Variants in KCNB2 observed in about 807,000 individuals in gnomAD.
The protein encoded by KCNB2 is delayed rectifier potassium channel protein.
KCNB2 carries 15 observed loss-of-function variants against 61.5 expected under a neutral mutation model. That is an observed-to-expected ratio of 0.24 (90% CI 0.16 to 0.38). The LOEUF (loss-of-function observed/expected upper bound fraction) is 0.38, where lower values mean the gene tolerates loss of function less well. KCNB2 is among the 10% of genes least tolerant of loss of function. KCNB2 has a pLI of 1.00. For missense variants in KCNB2, 828 were observed against 1,125.2 expected, an observed-to-expected ratio of 0.74 and a Z score of 3.78; for synonymous variants, 457 against 446.0, an observed-to-expected ratio of 1.02 and a Z score of -0.31.
At chr8:72,628,056 C>T (rs564450142) in intron 2 of KCNB2, among the ~76,000 whole-genome samples, 58 of 152,112 alleles carry the variant, frequency 3.8e-4, no homozygotes, top group Admixed American at 3.1e-3. Context: ...CAGGTTCAAA[C>T]GATTCTCCTG....
chr8:72,884,092 C>T (rs924144973), intron 2 of KCNB2, among the ~76,000 whole-genome samples: 6 of 152,144 alleles, frequency 3.9e-5, no homozygotes, highest in South Asian at 4.2e-4. Context: ...TTGGCATTGT[C>T]GAGGCTTCTA....
chr8:72,767,820 T>G (rs1024931092), intron 2 of KCNB2, among the ~76,000 whole-genome samples: 2 of 152,234 alleles, frequency 1.3e-5, no homozygotes, highest in Admixed American at 6.5e-5. Flanking sequence ...TGCATAATTT[T>G]GCATTCCCAC....
At chr8:72,812,225 A>C (rs1809319427) in intron 2 of KCNB2, among the ~76,000 whole-genome samples, 1 of 152,018 alleles carries the variant, frequency 6.6e-6, no homozygotes, top group African/African-American at 2.4e-5. Context: ...CAGAGATCGC[A>C]CCACTGCCCT....
chr8:72,732,149 C>T (rs1035934584), intron 2 of KCNB2: 1 of 152,220 alleles, frequency 6.6e-6, no homozygotes, highest in Non-Finnish European at 1.5e-5. Flanking sequence ...TTCTTTTATT[C>T]TGTTGGCCTT....
At chr8:72,675,001 T>C (rs559823576) in intron 2 of KCNB2, among the ~76,000 whole-genome samples, 1 of 152,334 alleles carries the variant, frequency 6.6e-6, no homozygotes, top group Non-Finnish European at 1.5e-5. Context: ...GTAAATGTTA[T>C]GGTTTCACTT....
chr8:72,913,382 A>G (rs2981112), intron 2 of KCNB2, among the ~76,000 whole-genome samples: 14,336 of 152,278 alleles, frequency 0.094, 666 homozygotes, highest in South Asian at 0.11. Context: ...TCCCTTCAGG[A>G]GATTACATTT....
chr8:72,771,849 A>G (rs1808567182), intron 2 of KCNB2, among the ~76,000 whole-genome samples: 1 of 152,170 alleles, frequency 6.6e-6, no homozygotes, highest in Non-Finnish European at 1.5e-5. Context: ...AAGCATGTTT[A>G]TTCAGTCATC....
intron 2 of KCNB2, among the ~76,000 whole-genome samples, chr8:72,725,565 G>GCA (rs1807626375): frequency 2.1e-5 from 1 of 47,978 alleles, no homozygotes; most frequent in African/African-American, 6.7e-5. Flanking sequence ...ATGTATATAT[G>GCA]TATATATATG....
At chr8:72,630,628 A>G (rs1164570154) in intron 2 of KCNB2, among the ~76,000 whole-genome samples, 2 of 152,142 alleles carry the variant, frequency 1.3e-5, no homozygotes, top group South Asian at 2.1e-4. Context: ...TGTAGGTAAC[A>G]TGTATGAATC....
intron 2 of KCNB2, among the ~76,000 whole-genome samples, chr8:72,867,725 A>G (rs1178818907): frequency 6.6e-6 from 1 of 152,194 alleles, no homozygotes; most frequent in Non-Finnish European, 1.5e-5. Context: ...CAGGTTAGTT[A>G]TTAGCACATA....
intron 2 of KCNB2, among the ~76,000 whole-genome samples, chr8:72,850,282 C>T (rs1346739846): frequency 2.6e-5 from 4 of 151,298 alleles, no homozygotes; most frequent in African/African-American, 4.9e-5. Flanking sequence ...TGCTGGGGTA[C>T]GATCTTGGCT....
chr8:72,910,763 A>G (rs1806274057), intron 2 of KCNB2, among the ~76,000 whole-genome samples: 1 of 152,242 alleles, frequency 6.6e-6, no homozygotes, highest in Admixed American at 6.5e-5. Context: ...ATGGCTCACT[A>G]TTTAATATGC....
intron 2 of KCNB2, among the ~76,000 whole-genome samples, chr8:72,784,836 T>C (rs1310585486): frequency 2.0e-5 from 3 of 152,164 alleles, no homozygotes; most frequent in Admixed American, 2.0e-4. Context: ...CCAGGGACTA[T>C]TCGTCTTTAT....
intron 1 of KCNB2, among the ~76,000 whole-genome samples, chr8:72,539,286 C>T (rs905166452): frequency 6.6e-6 from 1 of 152,160 alleles, no homozygotes; most frequent in Non-Finnish European, 1.5e-5. Flanking sequence ...AAAGTGCTTA[C>T]TTGTGTGATT....
chr8:72,763,860 G>A (rs981364351), intron 2 of KCNB2, among the ~76,000 whole-genome samples: 8 of 152,204 alleles, frequency 5.3e-5, no homozygotes, highest in African/African-American at 1.9e-4. Context: ...AACAGAAACA[G>A]AAGGTTTCCC....
intron 2 of KCNB2, among the ~76,000 whole-genome samples, chr8:72,850,103 T>A (rs181868101): frequency 7.6e-4 from 115 of 152,178 alleles, no homozygotes; most frequent in African/African-American, 2.6e-3. Context: ...TTTTCAGGGA[T>A]GTTTGTATAT....
At chr8:72,643,091 G>A (rs1293390417) in intron 2 of KCNB2, among the ~76,000 whole-genome samples, 1 of 152,146 alleles carries the variant, frequency 6.6e-6, no homozygotes, top group Admixed American at 6.6e-5. Context: ...TTCCAGTCAA[G>A]AGTATGCTCT....
chr8:72,759,046 G>A (rs924548503), intron 2 of KCNB2, among the ~76,000 whole-genome samples: 1 of 152,102 alleles, frequency 6.6e-6, no homozygotes, highest in Non-Finnish European at 1.5e-5. Flanking sequence ...TGTGTTTAAT[G>A]AACTTAGTCT....
intron 2 of KCNB2, among the ~76,000 whole-genome samples, chr8:72,853,781 A>AT (rs1418611902): frequency 2.0e-5 from 3 of 152,184 alleles, no homozygotes; most frequent in African/African-American, 7.2e-5. Flanking sequence ...TGTGCTATAA[A>AT]TGCCCTTTTT....
Sources: allele counts gnomAD v4.1 joint callset (sites outside exome capture counted in the v4.1 genomes callset), GRCh38; gene constraint gnomAD v4.1.1; transcripts MANE v1.5; gene names NCBI Gene and HGNC (gene_info 2026-07-23, HGNC 2026-07-21).